The following ASB10 variants were observed in gnomAD, a reference collection of about 807,000 sequenced individuals.
The protein encoded by ASB10 is ankyrin repeat and SOCS box containing 10.
Under a neutral mutation model 35.4 loss-of-function variants are expected in ASB10, and 44 were observed. That is an observed-to-expected ratio of 1.24 (90% confidence interval 0.98 to 1.60). ASB10 has a LOEUF of 1.60. Ranked by LOEUF, ASB10 falls within the 40% of genes most tolerant of loss-of-function variation. The pLI, the probability that ASB10 is intolerant of heterozygous loss-of-function variation, is 0.00. For synonymous variants in ASB10, 294 were observed against 280.4 expected, an observed-to-expected ratio of 1.05 and a Z score of -0.49; for missense variants, 647 against 634.3, an observed-to-expected ratio of 1.02 and a Z score of -0.22.
At chr7:151,187,261 C>T (rs1018714223), upstream of ASB10, 17 of 1,514,938 alleles carry the variant, frequency 1.1e-5, no homozygotes, top group Middle Eastern at 1.7e-4. The surrounding 1 kb of genome is among the most constrained non-coding windows in gnomAD (Gnocchi z 5.3). Flanking sequence ...GACCTGGCCA[C>T]GCATCCAGCA....
In ASB10 at chr7:151,181,374, G is replaced by A; in HGVS notation, c.669C>T (p.Ala223=). ...CTGCCAGCTCCACATGGCCAAGCCGGGCGGCCACATGCAAAGGGGTCTCCT... is the reference window on the plus strand; with the variant it reads ...CTGCCAGCTCCACATGGCCAAGCCGAGCGGCCACATGCAAAGGGGTCTCCT... ...EEEETPLHVA[A]RLGHVELADL... is the part of the protein sequence containing the mutation. The change falls in exon 3 of 6, where the codon GCC becomes GCT. Residue 223 remains alanine (A), a synonymous_variant. Coordinates refer to ENST00000420175, the MANE Select transcript of ASB10 (RefSeq NM_001142459.2). 1 of 1,613,000 alleles carries A rather than the reference G, an allele frequency of 6.2e-7. No homozygotes were observed. The highest frequency in any genetic ancestry group is 8.5e-7 in the Non-Finnish European group (1 of 1,179,890).
rs575265025 is a variant in ASB10, at chr7:151,187,152, GGGA to G, written c.-25_-23del. Reference sequence around the variant, plus strand: ...GCATGTGGGCAGGGAAAGGGGAGTGGGGAGGAGGAGAGGTATATGCCAAAGGCA... The same window carrying G: ...GCATGTGGGCAGGGAAAGGGGAGTGGGGAGGAGAGGTATATGCCAAAGGCA... On this transcript the variant is annotated 5_prime_UTR_variant, in exon 1 of 6. Transcript: ENST00000420175. This position sits in a 1 kb window ranked among gnomAD's most constrained non-coding sequence, Gnocchi z 5.3. 6.6e-5 allele frequency: 104 copies of G among 1,565,222 alleles called. No homozygotes were observed. In the African/African-American group the frequency reaches 1.3e-3, roughly 20 times the overall value.
In ASB10 at chr7:151,186,983, T is replaced by C. The variant is rs1336021638; in HGVS notation, c.148A>G (p.Thr50Ala). 6.2e-7 allele frequency: 1 copy of C among 1,613,030 alleles called. No individual in the cohort carries two copies. The change falls in exon 1 of 6, where the codon ACA becomes GCA. Residue 50 changes from threonine (T) to alanine (A), a missense_variant. By Grantham distance (58) the Thr-to-Ala change is moderately conservative (BLOSUM62 0). Coordinates refer to ENST00000420175, the MANE Select transcript of ASB10 (RefSeq NM_001142459.2). ...KSGPGPIVTR[T>A]ASGPALAFWQ... The stretch of plus-strand genomic sequence containing the variant: ...AAGGCAAGGGCAGGTCCTGAGGCTG[T>C]GCGGGTGACGATGGGTCCCGGGCCA...
chr7:151,181,463 T>TG lies in ASB10; in HGVS notation c.585-6dup, dbSNP rs766566965. ...CTGAGGAGCAGCTCCGCACACCTAT[T>TG]GGGGGGAGACGGTGGTGGGGAGGAA... On this transcript the variant is annotated splice_polypyrimidine_tract_variant and splice_region_variant and intron_variant, in intron 2 of 5. Coordinates refer to ENST00000420175, the MANE Select transcript of ASB10 (RefSeq NM_001142459.2). 1.9e-6 allele frequency: 3 copies of TG among 1,574,198 alleles called. No individual in the cohort carries two copies. Among genetic ancestry groups the TG allele is most frequent in the African/African-American group, 1.3e-5 (1 of 74,178 alleles).
At position 151,186,916 on chromosome 7, in the gene ASB10, C is replaced by A; in HGVS notation, c.215G>T (p.Arg72Leu). 1.9e-6 allele frequency: 3 copies of A among 1,613,920 alleles called. No individual in the cohort carries two copies. The South Asian group carries it at 3.3e-5, about 18-fold the overall frequency. Residue 72 changes from arginine (R) to leucine (L), a missense_variant, in exon 1 of 6, where the codon CGC becomes CTC. Transcript: ENST00000420175. ...GCCAGTACTGGAGTCCGCGAGGATGCGGGAGACACAGCCCACGTCCCCAGC... is the reference window on the plus strand; with the variant it reads ...GCCAGTACTGGAGTCCGCGAGGATGAGGGAGACACAGCCCACGTCCCCAGC... ...VLAGDVGCVS[R>L]ILADSSTGLA...
chr7:151,183,555 G>C (rs1351197243), intron 2 of ASB10, among the ~76,000 whole-genome samples: 2 of 152,094 alleles, frequency 1.3e-5, no homozygotes, highest in Admixed American at 1.3e-4. Context: ...TTACAGGTGT[G>C]CACCACCATG....
upstream of ASB10, chr7:151,187,341 T>G: frequency 6.6e-7 from 1 of 1,525,828 alleles, no homozygotes; most frequent in Non-Finnish European, 8.8e-7. This position sits in a 1 kb window ranked among gnomAD's most constrained non-coding sequence, Gnocchi z 5.3. Context: ...AGCTTTGAGG[T>G]CGGGGAGAAA....
intron 3 of ASB10, among the ~76,000 whole-genome samples, chr7:151,177,511 C>T (rs1053159201): frequency 6.6e-6 from 1 of 152,078 alleles, no homozygotes; most frequent in Non-Finnish European, 1.5e-5. Flanking sequence ...GGGTCCCTGA[C>T]CTGTGGCTGG....
chr7:151,181,603 A>T, intron 2 of ASB10, 145 bp from the exon 3 acceptor site: 1 of 1,297,370 alleles, frequency 7.7e-7, no homozygotes, highest in Non-Finnish European at 1.0e-6. Context: ...TGCAAGATCA[A>T]CAGTGCCCTT....
chr7:151,183,841 C>T (rs1801537827), intron 2 of ASB10, among the ~76,000 whole-genome samples: 1 of 152,154 alleles, frequency 6.6e-6, no homozygotes, highest in Non-Finnish European at 1.5e-5. Flanking sequence ...CCGGCTCGGC[C>T]TCCCAAAGTG....
At chr7:151,180,155 C>A (rs1439342981) in intron 3 of ASB10, among the ~76,000 whole-genome samples, 1 of 152,186 alleles carries the variant, frequency 6.6e-6, no homozygotes, top group Non-Finnish European at 1.5e-5. Flanking sequence ...GAACGGATGT[C>A]CCCATCCCAG....
intron 2 of ASB10, among the ~76,000 whole-genome samples, chr7:151,185,626 A>G (rs1801574795): frequency 6.6e-6 from 1 of 152,232 alleles, no homozygotes; most frequent in South Asian, 2.1e-4. Context: ...GGCACCTTTC[A>G]GAGGCAAGAG....
At chr7:151,187,261 C>A (rs1018714223), upstream of ASB10, 52 of 1,514,938 alleles carry the variant, frequency 3.4e-5, 1 homozygote, top group Middle Eastern at 8.6e-4. The surrounding 1 kb of genome is among the most constrained non-coding windows in gnomAD (Gnocchi z 5.3). Flanking sequence ...GACCTGGCCA[C>A]GCATCCAGCA....
chr7:151,181,757 C>T (rs1232587946), intron 2 of ASB10, among the ~76,000 whole-genome samples: 1 of 151,986 alleles, frequency 6.6e-6, no homozygotes, highest in Non-Finnish European at 1.5e-5. Context: ...GGATTACAGG[C>T]TCCCACCACC....
Position 151,186,997 on chromosome 7 carries a change from G to T in ASB10, c.134C>A (p.Pro45His). 6.2e-7 allele frequency: 1 copy of T among 1,611,272 alleles called. No homozygotes were observed. The highest frequency in any genetic ancestry group is 8.5e-7 in the Non-Finnish European group (1 of 1,178,064). ...TCCTGAGGCTGTGCGGGTGACGATG[G>T]GTCCCGGGCCAGACTTGAGGTGCTC... ...SEEHLKSGPGPIVTRTASGPA... is the reference protein window; with the variant it reads ...SEEHLKSGPGHIVTRTASGPA... Residue 45 changes from proline to histidine, a missense_variant, in exon 1 of 6, where the codon CCC becomes CAC. Pro to His is a moderately conservative substitution (Grantham distance 77). Coordinates refer to ENST00000420175, the MANE Select transcript of ASB10 (RefSeq NM_001142459.2).
rs749403557 is a variant in ASB10, at chr7:151,181,029, T to A, written c.1014A>T (p.Pro338=). The change falls in exon 3 of 6, where the codon CCA becomes CCT. Residue 338 remains proline, a synonymous_variant. Transcript: ENST00000420175. The part of the protein sequence containing the change: ...HTPLHCALQG[P]AAALAQSPEH... The stretch of plus-strand genomic sequence containing the variant: ...CGGGGCTCTGGGCCAGGGCTGCAGC[T>A]GGGCCCTGCAGAGCACAGTGCAGGG... The A allele has an allele frequency of 6.2e-7, 1 of 1,607,762 alleles. No homozygotes were observed. The highest frequency in any genetic ancestry group is 8.5e-7 in the Non-Finnish European group (1 of 1,176,376).
In ASB10 at chr7:151,176,625, T is replaced by A. The variant is rs1216139806; in HGVS notation, c.1156A>T (p.Thr386Ser). ...CPRTIEVLMN[T>S]YSVVQLPEEA... is the part of the protein sequence containing the mutation. ...TCGGGAAGCTGCACAACACTGTAGG[T>A]GTTCATCAGGACCTCGATGGTCCGA... The change falls in exon 4 of 6, where the codon ACC becomes TCC. Residue 386 changes from threonine to serine, a missense_variant. Thr to Ser is a moderately conservative substitution (Grantham distance 58). Transcript: ENST00000420175. 1 of 1,551,294 alleles carries A rather than the reference T, an allele frequency of 6.4e-7. No individual in the cohort carries two copies. Among genetic ancestry groups the A allele is most frequent in the Non-Finnish European group, 8.7e-7 (1 of 1,146,962 alleles).
At chr7:151,182,578 A>C (rs73478648) in intron 2 of ASB10, among the ~76,000 whole-genome samples, 1 of 152,134 alleles carries the variant, frequency 6.6e-6, no homozygotes, top group Non-Finnish European at 1.5e-5. Context: ...ACTCCTTCTC[A>C]AAATAGAAAA....
At position 151,187,110 on chromosome 7, in the gene ASB10, T is replaced by G; in HGVS notation, c.21A>C (p.Pro7=). 6.3e-7 allele frequency: 1 copy of G among 1,594,552 alleles called. No individual in the cohort carries two copies. Among genetic ancestry groups the G allele is most frequent in the Non-Finnish European group, 8.5e-7 (1 of 1,170,698 alleles). Residue 7 remains proline (P), a synonymous_variant, in exon 1 of 6, where the codon CCA becomes CCC. Transcript: ENST00000420175. The surrounding 1 kb of genome is among the most constrained non-coding windows in gnomAD (Gnocchi z 5.3). ...GCTCTCCCTGCCCCTTGCACTCTTC[T>G]GGAGACCAACTCATGAGCATGTGGG... MLMSWS[P]EECKGQGEPL...
Sources: allele counts gnomAD v4.1 joint callset (sites outside exome capture counted in the v4.1 genomes callset), GRCh38; gene constraint gnomAD v4.1.1; non-coding constraint Gnocchi (gnomAD v3.1); transcripts MANE v1.5; gene names NCBI Gene and HGNC (gene_info 2026-07-23, HGNC 2026-07-21).